Variants in DOCK1 observed in about 807,000 individuals in gnomAD.
The protein encoded by DOCK1 is dedicator of cytokinesis protein 1.
DOCK1 carries 138 observed loss-of-function variants against 262.7 expected under a neutral mutation model. The ratio of observed to expected loss-of-function variants is 0.53; its 90% CI spans 0.46 to 0.61. The LOEUF is 0.61. Among genes scored for constraint, DOCK1 ranks in the 20% least tolerant of loss-of-function variants. The pLI is 0.00. For missense variants in DOCK1, 1,908 were observed against 2,370.7 expected (o/e 0.80, Z 4.05); for synonymous variants, 866 against 867.4 (o/e 1.00, Z 0.03).
At chr10:126,982,450 G>C (rs1453241637) in intron 4 of DOCK1, among the ~76,000 whole-genome samples, 1 of 152,006 alleles carries the variant, frequency 6.6e-6, no homozygotes, top group Non-Finnish European at 1.5e-5. Flanking sequence ...TAAAACTGAT[G>C]TATAAGATCA....
At chr10:127,388,808 T>C (rs1399744206) in intron 38 of DOCK1, among the ~76,000 whole-genome samples, 2 of 152,120 alleles carry the variant, frequency 1.3e-5, no homozygotes, top group African/African-American at 4.8e-5. Flanking sequence ...GGTGGAGAAG[T>C]GCACTTAGGG....
At chr10:127,055,930 A>C (rs568605006) in intron 22 of DOCK1, among the ~76,000 whole-genome samples, 79 of 152,318 alleles carry the variant, frequency 5.2e-4, no homozygotes, top group Admixed American at 2.6e-4. Flanking sequence ...GGCACAGAAC[A>C]TGATCGCTCT....
intron 27 of DOCK1, among the ~76,000 whole-genome samples, chr10:127,191,457 T>C (rs2056751232): frequency 2.0e-5 from 3 of 152,336 alleles, no homozygotes; most frequent in South Asian, 2.1e-4. Context: ...CCAGGTTTTA[T>C]ATCTTTGCTG....
intron 9 of DOCK1, among the ~76,000 whole-genome samples, chr10:126,999,883 G>A (rs2040464754): frequency 6.6e-6 from 1 of 152,050 alleles, no homozygotes; most frequent in Non-Finnish European, 1.5e-5. Flanking sequence ...CCCCATGTTG[G>A]CCAGGCTGCT....
intron 29 of DOCK1, among the ~76,000 whole-genome samples, chr10:127,318,511 T>C (rs1341385656): frequency 6.6e-6 from 1 of 152,118 alleles, no homozygotes; most frequent in Non-Finnish European, 1.5e-5. Flanking sequence ...TGTGCAAGGA[T>C]GGGGGCCCAG....
At chr10:127,413,158 C>T (rs1158283038) in intron 43 of DOCK1, among the ~76,000 whole-genome samples, 1 of 152,148 alleles carries the variant, frequency 6.6e-6, no homozygotes, top group Non-Finnish European at 1.5e-5. Context: ...TCCCATCTGG[C>T]AAGTAGATAT....
intron 27 of DOCK1, among the ~76,000 whole-genome samples, chr10:127,163,461 G>T (rs2053772206): frequency 6.6e-6 from 1 of 152,150 alleles, no homozygotes; most frequent in Admixed American, 6.5e-5. Context: ...CAAACTTTCA[G>T]TGCCCACCTC....
Position 127,108,063 on chromosome 10 carries a change from CCT to C in DOCK1, c.2516+1768_2516+1769del, listed in dbSNP as rs373172719. Among the ~76,000 whole-genome samples, 443 of 152,338 alleles carry C rather than the reference CCT, an allele frequency of 2.9e-3. 2 individuals carry two copies. The highest frequency in any genetic ancestry group is 0.01 in the African/African-American group (420 of 41,592). On this transcript the variant is annotated intron_variant, in intron 24 of 51. Coordinates refer to ENST00000623213, the MANE Select transcript of DOCK1 (RefSeq NM_001290223.2). ...CAGGGCCGATGCAGGCTGCTGCTGG[CCT>C]CTCTCAGATTTGTGCATCCCTGTGT...
chr10:126,972,068 C>G (rs1415500879), intron 2 of DOCK1, among the ~76,000 whole-genome samples: 1 of 152,010 alleles, frequency 6.6e-6, no homozygotes, highest in East Asian at 1.9e-4. Flanking sequence ...AGGCATGTGT[C>G]ACTGTACCCA....
intron 21 of DOCK1, 99 bp downstream of exon 21, chr10:127,043,263 C>T (rs2044137589): frequency 2.2e-6 from 2 of 917,318 alleles, no homozygotes; most frequent in African/African-American, 1.7e-5. Context: ...TGTGTATTTA[C>T]TCCTGCTCAA....
At chr10:127,442,318 C>T (rs2070219871) in intron 49 of DOCK1, among the ~76,000 whole-genome samples, 1 of 152,186 alleles carries the variant, frequency 6.6e-6, no homozygotes, top group Non-Finnish European at 1.5e-5. Flanking sequence ...CAAACCAGCA[C>T]AGCGCATCCA....
intron 27 of DOCK1, among the ~76,000 whole-genome samples, chr10:127,151,023 A>G (rs1452148448): frequency 2.0e-5 from 3 of 152,212 alleles, no homozygotes; most frequent in Non-Finnish European, 4.4e-5. Flanking sequence ...TAAGTTAGGT[A>G]CGTGTCAATT....
chr10:127,409,403 A>AT lies in DOCK1; in HGVS notation c.4343+17dup. ...GAGCAGATTGTAAGGTAATAATCCCATTTTTCTTACCCAACGTGAGGGTTG... is the reference window on the plus strand; with the variant it reads ...GAGCAGATTGTAAGGTAATAATCCCATTTTTTCTTACCCAACGTGAGGGTTG... On this transcript the variant is annotated intron_variant, in intron 42 of 51. Transcript: ENST00000623213. 1 of 1,613,434 alleles carries AT rather than the reference A, an allele frequency of 6.2e-7. No homozygotes were observed. Among genetic ancestry groups the AT allele is most frequent in the Non-Finnish European group, 8.5e-7 (1 of 1,179,546 alleles).
chr10:127,297,564 A>G (rs527576414), intron 29 of DOCK1, among the ~76,000 whole-genome samples: 48 of 152,282 alleles, frequency 3.2e-4, no homozygotes, highest in African/African-American at 1.1e-3. Context: ...GTTTGCTGTG[A>G]TGTGTTTTCA....
At chr10:127,126,546 C>T (rs994940083) in intron 26 of DOCK1, among the ~76,000 whole-genome samples, 2 of 152,042 alleles carry the variant, frequency 1.3e-5, no homozygotes, top group Non-Finnish European at 2.9e-5. Context: ...GCCTGGGCAA[C>T]ATAGTGAGAG....
chr10:127,046,717 C>T (rs1170080848), intron 21 of DOCK1, among the ~76,000 whole-genome samples: 1 of 125,544 alleles, frequency 8.0e-6, no homozygotes, highest in African/African-American at 3.1e-5. Context: ...GCAGAGATCA[C>T]AGCACTGCAC....
At chr10:126,934,746 A>AGTT (rs2034440395) in intron 1 of DOCK1, among the ~76,000 whole-genome samples, 5 of 104,226 alleles carry the variant, frequency 4.8e-5, no homozygotes, top group African/African-American at 2.2e-4. Flanking sequence ...GGAATTTACG[A>AGTT]GTTTTTTTTT....
intron 23 of DOCK1, among the ~76,000 whole-genome samples, chr10:127,064,458 C>T (rs183922230): frequency 1.3e-5 from 2 of 152,320 alleles, no homozygotes; most frequent in East Asian, 3.9e-4. Flanking sequence ...GAATTTTCAA[C>T]AGGACTGTTT....
intron 22 of DOCK1, 118 bp downstream of exon 22, chr10:127,052,933 C>T: frequency 1.4e-6 from 2 of 1,449,314 alleles, no homozygotes; most frequent in South Asian, 2.8e-5. Context: ...CCCTTTTTCC[C>T]CCTTGCTTTC....
Sources: gnomAD v4.1 joint callset for allele counts (sites outside exome capture counted in the v4.1 genomes callset) on GRCh38, gnomAD v4.1.1 for gene constraint, MANE v1.5 for transcripts, NCBI Gene and HGNC (gene_info 2026-07-23, HGNC 2026-07-21) for gene names.